UBLCP1: variants seen among roughly 807,000 people sequenced by gnomAD.
The protein encoded by UBLCP1 is ubiquitin-like domain-containing CTD phosphatase 1.
UBLCP1 carries 28 observed loss-of-function variants against 42.4 expected under a neutral mutation model. The ratio of observed to expected loss-of-function variants is 0.66; its 90% CI spans 0.49 to 0.90. UBLCP1 has a LOEUF of 0.90. Among genes scored for constraint, UBLCP1 ranks in the 40% least tolerant of loss-of-function variants. The pLI, the probability that UBLCP1 is intolerant of heterozygous loss-of-function variation, is 0.00. For missense variants in UBLCP1, 279 were observed against 374.5 expected (o/e 0.75, Z 2.10); for synonymous variants, 122 against 120.8 (o/e 1.01, Z -0.07).
In UBLCP1 at chr5:159,270,388, A is replaced by G. The variant is rs1174701563; in HGVS notation, c.275A>G (p.Asn92Ser). ...LEDVLGPPPD[N>S]DDVVNDFDIE... The stretch of plus-strand genomic sequence containing the variant: ...GATGTCTTAGGTCCACCCCCTGACA[A>G]TGATGATGTTGTTAATGACTTTGAT... The change falls in exon 4 of 11, where the codon AAT becomes AGT. Residue 92 changes from asparagine to serine, a missense_variant. Asn to Ser is a conservative substitution (Grantham distance 46, BLOSUM62 1). Coordinates refer to ENST00000296786, the MANE Select transcript of UBLCP1 (RefSeq NM_145049.5). 2.5e-6 allele frequency: 4 copies of G among 1,613,486 alleles called. No individual in the cohort carries two copies. Among genetic ancestry groups the G allele is most frequent in the Non-Finnish European group, 3.4e-6 (4 of 1,179,678 alleles).
intron 10 of UBLCP1, among the ~76,000 whole-genome samples, chr5:159,284,219 A>T (rs556689599): frequency 6.6e-6 from 1 of 152,304 alleles, no homozygotes; most frequent in African/African-American, 2.4e-5. Flanking sequence ...GTAAATACTT[A>T]GTGCAGTGCC....
intron 9 of UBLCP1, among the ~76,000 whole-genome samples, chr5:159,278,694 T>C (rs971838952): frequency 4.6e-5 from 7 of 152,124 alleles, no homozygotes; most frequent in African/African-American, 1.7e-4. Context: ...TGCCTCAGCC[T>C]CCTGAGTAGC....
rs1194191055 is a variant in UBLCP1 at position 159,283,317 on chromosome 5, C to G, written c.907C>G (p.Leu303Val). 2 of 1,592,356 alleles carry G rather than the reference C, an allele frequency of 1.3e-6. No individual in the cohort carries two copies. The highest frequency in any genetic ancestry group is 1.7e-6 in the Non-Finnish European group (2 of 1,172,156). The change falls in exon 10 of 11, where the codon CTA becomes GTA. Residue 303 changes from leucine to valine, a missense_variant. Leu to Val is a conservative substitution (Grantham distance 32). Coordinates refer to ENST00000296786, the MANE Select transcript of UBLCP1 (RefSeq NM_145049.5). The part of the protein sequence containing the change: ...EIAKLDDFLD[L>V]NHKYWERYLS... ...AGCAAAATTAGATGACTTTTTGGATCTAAATCACAAATATTGGGAAAGGTA... is the reference window on the plus strand; with the variant it reads ...AGCAAAATTAGATGACTTTTTGGATGTAAATCACAAATATTGGGAAAGGTA...
Position 159,263,328 on chromosome 5 carries a change from G to A in UBLCP1, c.-79G>A, listed in dbSNP as rs1299845622. On this transcript the variant is annotated 5_prime_UTR_variant, in exon 1 of 11. Transcript: ENST00000296786. ...TTCGGTCTCTCAGCGGCCGGTTTCT[G>A]CGTCCGCTGCCGCAGGTTCCACCGC... 4 of 152,326 alleles carry A rather than the reference G, an allele frequency of 2.6e-5. No homozygotes were observed. The highest frequency in any genetic ancestry group is 9.6e-5 in the African/African-American group (4 of 41,460). The allele number at this position is 152,326 out of a possible 1,614,324, so 9.4% of individuals were successfully genotyped here. A position where few individuals can be genotyped will look rare whatever the true frequency, so the allele number is the denominator to read the frequency against.
chr5:159,278,766 T>A (rs141816421), intron 9 of UBLCP1, among the ~76,000 whole-genome samples: 4,779 of 152,136 alleles, frequency 0.031, 126 homozygotes, highest in Admixed American at 0.061. Context: ...AGAGACAGGG[T>A]TTCACCATGT....
chr5:159,277,947 T>TA (rs1753557977), intron 8 of UBLCP1, among the ~76,000 whole-genome samples: 1 of 152,210 alleles, frequency 6.6e-6, no homozygotes, highest in South Asian at 2.1e-4. Flanking sequence ...TTTGGATTTT[T>TA]AAAAAATTAA....
chr5:159,264,086 C>A (rs1400625243), intron 1 of UBLCP1, among the ~76,000 whole-genome samples: 1 of 152,216 alleles, frequency 6.6e-6, no homozygotes, highest in African/African-American at 2.4e-5. Flanking sequence ...GGTGTTACTT[C>A]ATACCTTAAC....
chr5:159,269,768 GT>G, intron 2 of UBLCP1, 139 bp from the exon 3 acceptor site: 2 of 677,076 alleles, frequency 3.0e-6, no homozygotes, highest in Non-Finnish European at 5.1e-6. Flanking sequence ...GAAACAATTT[GT>G]TAATGTAGGA....
intron 6 of UBLCP1, chr5:159,274,331 C>T: frequency 3.0e-6 from 1 of 328,436 alleles, no homozygotes; most frequent in Non-Finnish European, 5.6e-6. Flanking sequence ...TTCCTAGGTT[C>T]AGAGTTCTTT....
At chr5:159,264,379 A>G (rs902900138) in intron 1 of UBLCP1, among the ~76,000 whole-genome samples, 12 of 152,262 alleles carry the variant, frequency 7.9e-5, no homozygotes, top group African/African-American at 2.9e-4. Context: ...TGTGAAAGCA[A>G]AATAGCTCAT....
chr5:159,271,136 T>C (rs953414317), intron 5 of UBLCP1, among the ~76,000 whole-genome samples: 2 of 152,104 alleles, frequency 1.3e-5, no homozygotes, highest in African/African-American at 2.4e-5. Flanking sequence ...GTTTTCTGTT[T>C]AGTTATATTC....
intron 8 of UBLCP1, among the ~76,000 whole-genome samples, chr5:159,277,985 T>G (rs1753558250): frequency 6.6e-6 from 1 of 152,214 alleles, no homozygotes; most frequent in Non-Finnish European, 1.5e-5. Context: ...CCCAAAATCT[T>G]CACGTTAAAA....
intron 2 of UBLCP1, 139 bp downstream of exon 2, chr5:159,269,208 T>G: frequency 1.7e-6 from 1 of 589,262 alleles, no homozygotes; most frequent in South Asian, 4.8e-5. Context: ...GAGATTTCTC[T>G]GGTAGAAATA....
Position 159,268,863 on chromosome 5 carries a change from T to G in UBLCP1, c.-46-7T>G. On this transcript the variant is annotated splice_polypyrimidine_tract_variant and splice_region_variant and intron_variant, in intron 1 of 10. Transcript: ENST00000296786. Reference sequence around the variant, plus strand: ...TTTAACTTGTTCATTTTTGTCTTCCTTTCCAGGTATTTTTTTTTCTGAAGG... The same window carrying G: ...TTTAACTTGTTCATTTTTGTCTTCCGTTCCAGGTATTTTTTTTTCTGAAGG... The G allele has an allele frequency of 6.4e-7, 1 of 1,573,856 alleles. No individual in the cohort carries two copies. The highest frequency in any genetic ancestry group is 8.6e-7 in the Non-Finnish European group (1 of 1,161,472).
chr5:159,265,050 C>A (rs1057226750), intron 1 of UBLCP1, among the ~76,000 whole-genome samples: 3 of 152,176 alleles, frequency 2.0e-5, no homozygotes, highest in Non-Finnish European at 4.4e-5. Context: ...ATAGTTCTGT[C>A]TAAAATGGAA....
At chr5:159,281,498 C>T (rs1753606150) in intron 9 of UBLCP1, among the ~76,000 whole-genome samples, 1 of 152,180 alleles carries the variant, frequency 6.6e-6, no homozygotes, top group Non-Finnish European at 1.5e-5. Context: ...TGCTGCACTA[C>T]CTTTTTGGAA....
At chr5:159,283,480 G>A in intron 10 of UBLCP1, 141 bp downstream of exon 10, 1 of 668,626 alleles carries the variant, frequency 1.5e-6, no homozygotes, top group Non-Finnish European at 2.4e-6. Flanking sequence ...TTCTAATCCA[G>A]TGACCTACCC....
intron 8 of UBLCP1, among the ~76,000 whole-genome samples, chr5:159,275,747 G>A (rs4921453): frequency 0.54 from 82,489 of 152,018 alleles, 23,263 homozygotes; most frequent in Non-Finnish European, 0.61. Context: ...GATAAAATTA[G>A]GGATCTTGAA....
chr5:159,284,877 T>G, intron 10 of UBLCP1, 27 bp from the exon 11 acceptor site: 1 of 1,612,268 alleles, frequency 6.2e-7, no homozygotes, highest in South Asian at 1.1e-5. Flanking sequence ...TGATACAGCT[T>G]TGACATCTTT....
Sources: allele counts gnomAD v4.1 joint callset (sites outside exome capture counted in the v4.1 genomes callset), GRCh38; gene constraint gnomAD v4.1.1; transcripts MANE v1.5; gene names NCBI Gene and HGNC (gene_info 2026-07-23, HGNC 2026-07-21).